FASN: variants seen among roughly 807,000 people sequenced by gnomAD.
FASN encodes 3-hydroxyacyl-[acyl-carrier-protein] dehydratase.
In FASN, 50 loss-of-function variants were observed where a neutral mutation model predicts 250.0. The observed-to-expected ratio is 0.20, with a 90% CI of 0.16 to 0.25. The LOEUF (loss-of-function observed/expected upper bound fraction) is 0.25, where lower values mean the gene tolerates loss of function less well. FASN is among the 10% of genes least tolerant of loss of function. The pLI, the probability that FASN is intolerant of heterozygous loss-of-function variation, is 1.00. For synonymous variants in FASN, 1,909 were observed against 1,584.0 expected (o/e 1.21, Z -4.87); for missense variants, 3,031 against 3,498.5 (o/e 0.87, Z 3.37).
rs1375406930 is a variant in FASN, at chr17:82,090,482, C to G, written c.1763G>C (p.Gly588Ala). ...VGHSLGEVACGYADGCLSQEE... is the reference protein window; with the variant it reads ...VGHSLGEVACAYADGCLSQEE... ...CTGGGACAGGCAGCCGTCGGCGTAGCCACAGGCCACCTCCCCCAGGGAGTG... is the reference window on the plus strand; with the variant it reads ...CTGGGACAGGCAGCCGTCGGCGTAGGCACAGGCCACCTCCCCCAGGGAGTG... The change falls in exon 11 of 43, where the codon GGC becomes GCC. Residue 588 changes from glycine to alanine, a missense_variant. By Grantham distance (60) the Gly-to-Ala change is moderately conservative. Transcript: ENST00000306749. 2.5e-6 allele frequency: 4 copies of G among 1,610,040 alleles called. No homozygotes were observed. Among genetic ancestry groups the G allele is most frequent in the African/African-American group, 1.3e-5 (1 of 74,848 alleles).
Position 82,084,230 on chromosome 17 carries a change from T to G in FASN, c.4919+4A>C, listed in dbSNP as rs563235937. ...GCCCAGGCTCACACCCTCGACACAC[T>G]CACCAGTTGGAAGGCACATCCCAGA... On this transcript the variant is annotated splice_donor_region_variant and intron_variant, in intron 28 of 42. Transcript: ENST00000306749. 1.6e-5 allele frequency: 25 copies of G among 1,611,566 alleles called. No individual in the cohort carries two copies. The East Asian group carries it at 2.9e-4, about 19-fold the overall frequency.
chr17:82,092,799 G>A lies in FASN; in HGVS notation c.792C>T (p.Pro264=), dbSNP rs753934619. The change falls in exon 7 of 43, where the codon CCC becomes CCT. Residue 264 remains proline (P), a synonymous_variant. Coordinates refer to ENST00000306749, the MANE Select transcript of FASN (RefSeq NM_004104.5). ...DGFKEQGVTF[P]SGDIQEQLIR... ...TGAGCTGCTCCTGGATATCCCCTGA[G>A]GGGAAGGTCACGCCTGCGGAGGGCT... is the stretch of plus-strand genomic sequence containing the variant. 5 of 1,600,804 alleles carry A rather than the reference G, an allele frequency of 3.1e-6. No homozygotes were observed. Among genetic ancestry groups the A allele is most frequent in the Admixed American group, 1.7e-5 (1 of 58,868 alleles).
chr17:82,093,823 G>GACCCCCC, intron 3 of FASN, 52 bp from the exon 4 acceptor site: 1 of 1,549,736 alleles, frequency 6.5e-7, no homozygotes. Context: ...AGCGCAGCCA[G>GACCCCCC]CCCACCCACC....
At position 82,084,560 on chromosome 17, in the gene FASN, C is replaced by T. The variant is rs369077167; in HGVS notation, c.4721G>A (p.Arg1574His). ...CTTGCCAGTGGCCAGCATGATGTCG[C>T]GGAAGTTGAGGGAGGCGTAGTAGAC... is the stretch of plus-strand genomic sequence containing the variant. ...CTVYYASLNFRDIMLATGKLS... is the reference protein window; with the variant it reads ...CTVYYASLNFHDIMLATGKLS... The change falls in exon 27 of 43, where the codon CGC becomes CAC. Residue 1574 changes from arginine to histidine, a missense_variant. Transcript: ENST00000306749. The T allele has an allele frequency of 1.9e-6, 3 of 1,611,688 alleles. No homozygotes were observed. Among genetic ancestry groups the T allele is most frequent in the Non-Finnish European group, 2.5e-6 (3 of 1,179,596 alleles).
rs1598579311 is a variant in FASN at position 82,088,088 on chromosome 17, C to T, written c.2785+28G>A. 6 of 1,612,724 alleles carry T rather than the reference C, an allele frequency of 3.7e-6. No individual in the cohort carries two copies. The Middle Eastern group carries it at 9.9e-4, about 266-fold the overall frequency. On this transcript the variant is annotated intron_variant, in intron 17 of 42. Transcript: ENST00000306749. ...GGGCAGCACCCGCCCCCCAGCTACC[C>T]CCGCCTTGGTCCTGGGGTACCCCTC...
Position 82,091,454 on chromosome 17 carries a change from C to T in FASN, c.1260G>A (p.Leu420=). 2 of 1,607,406 alleles carry T rather than the reference C, an allele frequency of 1.2e-6. No homozygotes were observed. The highest frequency in any genetic ancestry group is 2.2e-5 in the East Asian group (1 of 44,640). ...PPPAPAPHAT[L]PRLLRASGRT... is the part of the protein sequence containing the mutation. Reference sequence around the variant, plus strand: ...GTCCGCTGGCCCGCAGCAGACGGGGCAGGGTGGCATGTGGGGCGGGTGCGG... The same window carrying T: ...GTCCGCTGGCCCGCAGCAGACGGGGTAGGGTGGCATGTGGGGCGGGTGCGG... The change falls in exon 9 of 43, where the codon CTG becomes CTA. Residue 420 remains leucine, a synonymous_variant. Transcript: ENST00000306749.
chr17:82,089,770 C>T (rs1192364582), intron 11 of FASN, 44 bp from the exon 12 acceptor site: 22 of 1,518,102 alleles, frequency 1.4e-5, no homozygotes, highest in Non-Finnish European at 1.7e-5. Flanking sequence ...GACACCGAGC[C>T]GCTCCCAGCC....
In FASN at chr17:82,083,779, G is replaced by A. The variant is rs762013951; in HGVS notation, c.5211C>T (p.Gly1737=). 3.0e-5 allele frequency: 49 copies of A among 1,611,652 alleles called. No individual in the cohort carries two copies. Among genetic ancestry groups the A allele is most frequent in the African/African-American group, 1.2e-4 (9 of 75,052 alleles). The change falls in exon 30 of 43, where the codon GGC becomes GGT. Residue 1737 remains glycine, a synonymous_variant. Coordinates refer to ENST00000306749, the MANE Select transcript of FASN (RefSeq NM_004104.5). ...GCTGTGGGGGCCACTCACCCTTCCC[G>A]CCCGTGTGCCACAGCACATGCTGCT... is the stretch of plus-strand genomic sequence containing the variant. The part of the protein sequence containing the change: ...SFEQHVLWHT[G]GKGVDLVLNS...
chr17:82,091,161 C>T (rs1197074506), intron 9 of FASN, 61 bp downstream of exon 9: 1 of 1,599,718 alleles, frequency 6.3e-7, no homozygotes, highest in African/African-American at 1.3e-5. Context: ...GGACCACCAG[C>T]TCCAGTTCGC....
rs759744671 is a variant in FASN, at chr17:82,087,971, C to T, written c.2849G>A (p.Gly950Asp). The change falls in exon 18 of 43, where the codon GGC becomes GAC. Residue 950 changes from glycine (G) to aspartate (D), a missense_variant. Physicochemically the swap from Gly to Asp is moderately conservative, Grantham distance 94. Transcript: ENST00000306749. ...CTGCTTACCACTCACTACCAGGTTG[C>T]CGTTCTCTGACACCTCGAAGGCACG... ...ASRAFEVSEN[G>D]NLVVSGKVYQ... is the part of the protein sequence containing the mutation. 1.2e-6 allele frequency: 2 copies of T among 1,612,754 alleles called. No individual in the cohort carries two copies. Among genetic ancestry groups the T allele is most frequent in the East Asian group, 2.2e-5 (1 of 44,858 alleles).
At chr17:82,092,355 G>C in intron 8 of FASN, 100 bp downstream of exon 8, 1 of 1,305,398 alleles carries the variant, frequency 7.7e-7, no homozygotes, top group Admixed American at 2.0e-5. Context: ...GGAAGCCCCC[G>C]CCTCCACTTG....
At position 82,084,886 on chromosome 17, in the gene FASN, G is replaced by C. The variant is rs1451796502; in HGVS notation, c.4477C>G (p.Leu1493Val). The stretch of plus-strand genomic sequence containing the variant: ...AGGTCTCCCTGCAACACCTTCTGCA[G>C]TTCTGCGGAGCCCGGGTCCACCTCC... The part of the protein sequence containing the change: ...VPEVDPGSAE[L>V]QKVLQGDLVM... Residue 1493 changes from leucine (L) to valine (V), a missense_variant, in exon 26 of 43, where the codon CTG becomes GTG. Leu to Val is a conservative substitution (Grantham distance 32). Transcript: ENST00000306749. 9 of 1,550,828 alleles carry C rather than the reference G, an allele frequency of 5.8e-6. No individual in the cohort carries two copies. The Admixed American group carries it at 9.8e-5, about 17-fold the overall frequency.
intron 10 of FASN, 47 bp from the exon 11 acceptor site, chr17:82,090,611 G>T: frequency 6.5e-7 from 1 of 1,538,942 alleles, no homozygotes. Flanking sequence ...AGCAGGTGCA[G>T]CTGTTGGGGG....
In FASN at chr17:82,080,934, G is replaced by A; in HGVS notation, c.6596-12C>T. The A allele has an allele frequency of 1.9e-6, 3 of 1,595,494 alleles. No individual in the cohort carries two copies. The highest frequency in any genetic ancestry group is 1.1e-5 in the South Asian group (1 of 88,452). On this transcript the variant is annotated splice_polypyrimidine_tract_variant and intron_variant, in intron 38 of 42. Transcript: ENST00000306749. ...GGGGCATGCCAGCTCTGTGAAGACAGGGGCAGATGCCAGGCTGGTCTGGGT... is the reference window on the plus strand; with the variant it reads ...GGGGCATGCCAGCTCTGTGAAGACAAGGGCAGATGCCAGGCTGGTCTGGGT...
In FASN at chr17:82,084,688, G is replaced by A. The variant is rs1213629848; in HGVS notation, c.4593C>T (p.Ala1531=). ...CCCCCCGGGTGAGGGTGCTCACAAA[G>A]GCATGTGCCGTCGGCTCCTCAGGCT... ...EDKPEEPTAH[A]FVSTLTRGDL... is the part of the protein sequence containing the mutation. The change falls in exon 27 of 43, where the codon GCC becomes GCT. Residue 1531 remains alanine (A), a synonymous_variant. Transcript: ENST00000306749. The A allele has an allele frequency of 8.9e-6, 14 of 1,575,904 alleles. No individual in the cohort carries two copies. The East Asian group carries it at 2.8e-4, about 32-fold the overall frequency.
intron 33 of FASN, 57 bp from the exon 34 acceptor site, chr17:82,082,735 C>T (rs750420689): frequency 9.4e-5 from 149 of 1,591,722 alleles, no homozygotes; most frequent in South Asian, 1.2e-4. Context: ...CTTCCCTACA[C>T]GCCGGGCTGG....
intron 22 of FASN, 59 bp downstream of exon 22, chr17:82,086,195 T>A: frequency 6.5e-7 from 1 of 1,534,454 alleles, no homozygotes; most frequent in South Asian, 1.2e-5. Flanking sequence ...CTGCAACTGA[T>A]GTCAGGGTGG....
chr17:82,081,050 A>C, intron 38 of FASN, 114 bp downstream of exon 38: 1 of 1,420,768 alleles, frequency 7.0e-7, no homozygotes. Context: ...GGGAACGCTC[A>C]GAATGGCACC....
chr17:82,086,959 C>T, intron 21 of FASN, 91 bp downstream of exon 21: 1 of 1,472,712 alleles, frequency 6.8e-7, no homozygotes, highest in South Asian at 1.2e-5. Context: ...AAAGGGGGCC[C>T]CGTGGAGAAG....
Sources: gnomAD v4.1 joint callset for allele counts on GRCh38, gnomAD v4.1.1 for gene constraint, MANE v1.5 for transcripts, NCBI Gene and HGNC (gene_info 2026-07-23, HGNC 2026-07-21) for gene names.